The following ABCG1 variants were observed in gnomAD, a reference collection of about 807,000 sequenced individuals.
ABCG1 encodes ATP binding cassette subfamily G member 1.
In ABCG1, 29 loss-of-function variants were observed where a neutral mutation model predicts 69.2. The observed-to-expected ratio is 0.42, with a 90% CI of 0.31 to 0.57. ABCG1 has a LOEUF of 0.57. ABCG1 is among the 20% of genes least tolerant of loss of function. The pLI is 0.15. For synonymous variants in ABCG1, 370 were observed against 374.8 expected (o/e 0.99, Z 0.15); for missense variants, 718 against 898.1 (o/e 0.80, Z 2.56).
chr21:42,222,959 A>AC (rs1241277537), intron 1 of ABCG1, among the ~76,000 whole-genome samples: 9 of 151,654 alleles, frequency 5.9e-5, no homozygotes. Flanking sequence ...GGCCACCATC[A>AC]CCCCACCTGG....
At chr21:42,271,242 G>A (rs2068612160) in intron 3 of ABCG1, 55 bp downstream of exon 3, 18 of 1,181,464 alleles carry the variant, frequency 1.5e-5, no homozygotes, top group South Asian at 1.7e-5. Context: ...GGCCAGCAGT[G>A]GGAACAGTGG....
At position 42,285,854 on chromosome 21, in the gene ABCG1, C is replaced by T. The variant is rs372736049; in HGVS notation, c.859-26C>T. On this transcript the variant is annotated intron_variant, in intron 7 of 14. Transcript: ENST00000398449. The stretch of plus-strand genomic sequence containing the variant: ...CCTTCCGAGGAAGGCAGGGCTTGAT[C>T]CCTTTTTCTCCTTCCTTTTTTCCAG... 31 of 1,532,054 alleles carry T rather than the reference C, an allele frequency of 2.0e-5. No individual in the cohort carries two copies. The African/African-American group carries it at 3.8e-4, about 19-fold the overall frequency. 94.9% of individuals were successfully genotyped at this position (1,532,054 alleles called of 1,614,324 possible).
intron 5 of ABCG1, 45 bp from the exon 6 acceptor site, chr21:42,282,229 G>C: frequency 6.3e-7 from 1 of 1,592,508 alleles, no homozygotes; most frequent in Non-Finnish European, 8.6e-7. Context: ...GAGGTGGTGA[G>C]CTTTGGCGGG....
intron 2 of ABCG1, among the ~76,000 whole-genome samples, chr21:42,250,163 G>T (rs1202549907): frequency 2.0e-5 from 3 of 152,104 alleles, no homozygotes; most frequent in Non-Finnish European, 4.4e-5. Context: ...GACTCTTGGG[G>T]ACAGGAGGAG....
Position 42,291,411 on chromosome 21 carries a change from G to A in ABCG1, c.1495-87G>A. On this transcript the variant is annotated intron_variant, in intron 12 of 14. Coordinates refer to ENST00000398449, the MANE Select transcript of ABCG1 (RefSeq NM_016818.3). This position sits in a 1 kb window ranked among gnomAD's most constrained non-coding sequence, Gnocchi z 6.4. ...TTGGGAGCTCTGGCGGGAGCTGCGG[G>A]GAAGGGCTGGCTGCCCAGGAGCTTT... The A allele has an allele frequency of 6.5e-7, 1 of 1,532,684 alleles. No individual in the cohort carries two copies. The highest frequency in any genetic ancestry group is 8.9e-7 in the Non-Finnish European group (1 of 1,129,840). The allele number at this position is 1,532,684 out of a possible 1,614,324, so 94.9% of individuals were successfully genotyped here. A position where few individuals can be genotyped will look rare whatever the true frequency, so the allele number is the denominator to read the frequency against.
chr21:42,267,703 G>C (rs1208497846), intron 2 of ABCG1, among the ~76,000 whole-genome samples: 1 of 148,722 alleles, frequency 6.7e-6, no homozygotes, highest in African/African-American at 2.5e-5. Context: ...GTCTGGGTCT[G>C]GTCTGAGTTC....
intron 5 of ABCG1, among the ~76,000 whole-genome samples, chr21:42,278,176 T>A (rs1418422544): frequency 6.6e-6 from 1 of 152,228 alleles, no homozygotes; most frequent in Admixed American, 6.5e-5. Flanking sequence ...AAATCACATG[T>A]GTTCCTGGCC....
upstream of ABCG1, among the ~76,000 whole-genome samples, chr21:42,212,705 ATTTTTTTTTTTT>A (rs35840150): frequency 7.1e-6 from 1 of 140,178 alleles, no homozygotes; most frequent in Non-Finnish European, 1.6e-5. Flanking sequence ...TTAAAAACAG[ATTTTTTTTTTTT>A]TTTTTTTGAG....
At chr21:42,260,608 A>T (rs187523204) in intron 2 of ABCG1, among the ~76,000 whole-genome samples, 166 of 152,292 alleles carry the variant, frequency 1.1e-3, no homozygotes, top group African/African-American at 3.7e-3. Context: ...GTGCAGCAGG[A>T]TGGACTTCTT....
chr21:42,203,344 A>G (rs2067521100), intron 2 of ABCG1, among the ~76,000 whole-genome samples: 1 of 152,120 alleles, frequency 6.6e-6, no homozygotes, highest in African/African-American at 2.4e-5. Context: ...TTTTCATTTT[A>G]TGGGTCATGC....
At chr21:42,248,799 T>TG (rs1191784504) in intron 2 of ABCG1, among the ~76,000 whole-genome samples, 10 of 147,732 alleles carry the variant, frequency 6.8e-5, no homozygotes, top group South Asian at 2.1e-4. Flanking sequence ...CCCAGTTACT[T>TG]GGGGGGCTGA....
chr21:42,227,903 T>G (rs1347131662), intron 2 of ABCG1, among the ~76,000 whole-genome samples: 1 of 151,946 alleles, frequency 6.6e-6, no homozygotes, highest in Non-Finnish European at 1.5e-5. Flanking sequence ...TCATGAGAAC[T>G]CCCTCACTAT....
rs1441477164 is a variant in ABCG1 at position 42,271,107 on chromosome 21, C to T, written c.324C>T (p.Phe108=). The T allele has an allele frequency of 6.3e-7, 1 of 1,576,846 alleles. No homozygotes were observed. Residue 108 remains phenylalanine (F), a synonymous_variant, in exon 3 of 15, where the codon TTC becomes TTT. Coordinates refer to ENST00000398449, the MANE Select transcript of ABCG1 (RefSeq NM_016818.3). ...KTLLKGISGK[F]NSGELVAIMG... ...TCCTGAAAGGAATTTCCGGGAAGTTCAATAGTGGTGAGTTGGTGGCCATTA... is the reference window on the plus strand; with the variant it reads ...TCCTGAAAGGAATTTCCGGGAAGTTTAATAGTGGTGAGTTGGTGGCCATTA...
chr21:42,270,726 G>A (rs1485535499), intron 2 of ABCG1, among the ~76,000 whole-genome samples: 3 of 152,134 alleles, frequency 2.0e-5, no homozygotes, highest in Admixed American at 6.5e-5. Context: ...CCGAGGGCTT[G>A]GGCAGGTCAC....
In ABCG1 at chr21:42,285,600, A is replaced by G. The variant is rs528031754; in HGVS notation, c.859-280A>G. 2.0e-5 allele frequency among the ~76,000 whole-genome samples: 3 copies of G among 152,332 alleles called. No homozygotes were observed. In the East Asian group the frequency reaches 5.8e-4, roughly 29 times the overall value. ...AAGGGATAAAATGTGTATAGCTCCAAAATTTTTTCTGAGCAGGGGGTTAGC... is the reference window on the plus strand; with the variant it reads ...AAGGGATAAAATGTGTATAGCTCCAGAATTTTTTCTGAGCAGGGGGTTAGC... On this transcript the variant is annotated intron_variant, in intron 7 of 14. Transcript: ENST00000398449.
Position 42,288,352 on chromosome 21 carries a change from G to C in ABCG1, c.1224+40G>C, listed in dbSNP as rs371684339. 6.7e-7 allele frequency: 1 copy of C among 1,494,624 alleles called. No individual in the cohort carries two copies. The highest frequency in any genetic ancestry group is 9.3e-7 in the Non-Finnish European group (1 of 1,073,662). 92.6% of individuals were successfully genotyped at this position (1,494,624 alleles called of 1,614,324 possible). ...ATCTTCTCCTGTAGCTGGGGAACCC[G>C]TGGGTCATTTTCTCAGACTCGTCCT... is the stretch of plus-strand genomic sequence containing the variant. On this transcript the variant is annotated intron_variant, in intron 10 of 14. Coordinates refer to ENST00000398449, the MANE Select transcript of ABCG1 (RefSeq NM_016818.3). This position sits in a 1 kb window ranked among gnomAD's most constrained non-coding sequence, Gnocchi z 4.8.
At chr21:42,280,648 AG>A (rs1322671243) in intron 5 of ABCG1, among the ~76,000 whole-genome samples, 7 of 152,238 alleles carry the variant, frequency 4.6e-5, no homozygotes, top group African/African-American at 1.7e-4. Flanking sequence ...GGGTGGGCCC[AG>A]CTCATGGGCA....
At position 42,219,250 on chromosome 21, in the gene ABCG1, C is replaced by A. The variant is rs1294837177; in HGVS notation, c.-13C>A. ...GCCGCCGCCGCCGCCGCCGCCGCCG[C>A]CGCCCCCGGGGCATGGCCTGTCTGA... On this transcript the variant is annotated 5_prime_UTR_variant, in exon 1 of 15. Transcript: ENST00000398449. The surrounding 1 kb of genome is among the most constrained non-coding windows in gnomAD (Gnocchi z 5.3). The A allele has an allele frequency of 1.3e-6, 2 of 1,542,180 alleles. No homozygotes were observed. Among genetic ancestry groups the A allele is most frequent in the African/African-American group, 2.8e-5 (2 of 70,712 alleles).
At chr21:42,234,949 C>G (rs1354411370) in intron 2 of ABCG1, among the ~76,000 whole-genome samples, 1 of 152,056 alleles carries the variant, frequency 6.6e-6, no homozygotes, top group Non-Finnish European at 1.5e-5. Flanking sequence ...CGGGGAGCGG[C>G]GCGATTGGCT....
Sources: gnomAD v4.1 joint callset for allele counts (sites outside exome capture counted in the v4.1 genomes callset) on GRCh38, gnomAD v4.1.1 for gene constraint, Gnocchi (gnomAD v3.1) non-coding constraint, MANE v1.5 for transcripts, NCBI Gene and HGNC (gene_info 2026-07-23, HGNC 2026-07-21) for gene names.